GOLGB1: variants seen among roughly 807,000 people sequenced by gnomAD.
The protein encoded by GOLGB1 is golgin B1, also known as golgin subfamily B member 1.
Under a neutral mutation model 336.9 loss-of-function variants are expected in GOLGB1, and 174 were observed. The ratio of observed to expected loss-of-function variants is 0.52; its 90% CI spans 0.46 to 0.59. The LOEUF (loss-of-function observed/expected upper bound fraction) is 0.59. GOLGB1 is among the 20% of genes least tolerant of loss of function. The pLI, the probability that GOLGB1 is intolerant of heterozygous loss-of-function variation, is 0.00. For missense variants in GOLGB1, 3,331 were observed against 3,645.3 expected (o/e 0.91, Z 2.22); for synonymous variants, 1,208 against 1,289.2 (o/e 0.94, Z 1.35).
chr3:121,733,287 C>CAAA (rs35457720), intron 1 of GOLGB1, among the ~76,000 whole-genome samples: 72 of 64,496 alleles, frequency 1.1e-3, no homozygotes, highest in Non-Finnish European at 1.3e-3. Context: ...TGCTCCGTCT[C>CAAA]AAAAAAAAAA....
At chr3:121,737,691 C>T (rs1946576396) in intron 1 of GOLGB1, among the ~76,000 whole-genome samples, 1 of 150,788 alleles carries the variant, frequency 6.6e-6, no homozygotes, top group African/African-American at 2.4e-5. Flanking sequence ...AATATAAAAA[C>T]TATTGTACAA....
At chr3:121,674,897 G>A (rs1007046453) in intron 17 of GOLGB1, among the ~76,000 whole-genome samples, 3 of 145,950 alleles carry the variant, frequency 2.1e-5, no homozygotes, top group Non-Finnish European at 4.5e-5. Flanking sequence ...CTGCAGTGGC[G>A]CAATCTCGGC....
intron 1 of GOLGB1, chr3:121,748,679 C>T (rs1947543402): frequency 3.4e-6 from 1 of 293,128 alleles, no homozygotes; most frequent in Admixed American, 6.5e-5. Flanking sequence ...GCCTCTGGCC[C>T]TTATGTAAAG....
chr3:121,691,608 C>G lies in GOLGB1; in HGVS notation c.7756G>C (p.Glu2586Gln), dbSNP rs1418583109. 6.2e-7 allele frequency: 1 copy of G among 1,613,510 alleles called. No individual in the cohort carries two copies. The highest frequency in any genetic ancestry group is 1.3e-5 in the African/African-American group (1 of 74,886). Residue 2586 changes from glutamate to glutamine, a missense_variant, in exon 14 of 22, where the codon GAA (glutamate) becomes CAA (glutamine). Physicochemically the swap from Glu to Gln is conservative, Grantham distance 29. Coordinates refer to ENST00000614479, the MANE Select transcript of GOLGB1 (RefSeq NM_001366282.2). ...GACCTCCGCAGATCCTCATTTGCTT[C>G]CTCAGATTCCTTCAGCTTTTCTTCT... Reference protein sequence around the residue: ...KLEEKLKESEEANEDLRRSFN... With the variant: ...KLEEKLKESEQANEDLRRSFN...
chr3:121,684,043 G>A (rs1941419390), intron 14 of GOLGB1, among the ~76,000 whole-genome samples: 3 of 147,770 alleles, frequency 2.0e-5, no homozygotes, highest in South Asian at 2.1e-4. Context: ...CAGGAGAATC[G>A]CTTGAATTCA....
chr3:121,706,671 T>C (rs1943855483), intron 10 of GOLGB1, among the ~76,000 whole-genome samples: 1 of 126,410 alleles, frequency 7.9e-6, no homozygotes, highest in Admixed American at 9.8e-5. Flanking sequence ...GAAGTGGAGG[T>C]TACAGTGAGT....
rs1942947951 is a variant in GOLGB1 at position 121,696,375 on chromosome 3, T to G, written c.4148A>C (p.Gln1383Pro). 3.1e-6 allele frequency: 5 copies of G among 1,614,204 alleles called. No homozygotes were observed. The East Asian group carries it at 1.1e-4, about 36-fold the overall frequency. ...ATGTTCTAGGCCAGCAATTTGTAGT[T>G]GGCTGCTTTCCAATTTCTGCTGCAG... ...ESLQQKLESS[Q>P]LQIAGLEHLR... The change falls in exon 13 of 22, where the codon CAA (glutamine) becomes CCA (proline). Residue 1383 changes from glutamine to proline, a missense_variant. Transcript: ENST00000614479.
chr3:121,739,102 A>T (rs948647180), intron 1 of GOLGB1, among the ~76,000 whole-genome samples: 3 of 151,946 alleles, frequency 2.0e-5, no homozygotes, highest in African/African-American at 4.8e-5. Context: ...TCTCTACAAA[A>T]TTTTTTTAAA....
At chr3:121,724,579 G>A (rs1164624370) in intron 5 of GOLGB1, among the ~76,000 whole-genome samples, 3 of 149,588 alleles carry the variant, frequency 2.0e-5, no homozygotes, top group African/African-American at 7.3e-5. Context: ...AAAAAAAATT[G>A]GAAAATTTGC....
In GOLGB1 at chr3:121,681,844, G is replaced by GCAGATT; in HGVS notation, c.8710_8715dup (p.Asn2904_Leu2905dup). ...TGATTAATCTGTAAGTATTGCTGCT[G>GCAGATT]CAGATTCTTCAATTCCTTCAGCTTT... On this transcript the variant is annotated inframe_insertion, in exon 15 of 22. Transcript: ENST00000614479. The GCAGATT allele has an allele frequency of 1.9e-6, 3 of 1,602,806 alleles. No individual in the cohort carries two copies. Among genetic ancestry groups the GCAGATT allele is most frequent in the Non-Finnish European group, 2.6e-6 (3 of 1,171,838 alleles).
intron 20 of GOLGB1, among the ~76,000 whole-genome samples, chr3:121,665,334 T>C (rs972581532): frequency 6.6e-6 from 1 of 152,244 alleles, no homozygotes; most frequent in African/African-American, 2.4e-5. Flanking sequence ...ATCTTCAAAG[T>C]GCTAAGGCTT....
In GOLGB1 at chr3:121,697,291, G is replaced by A. The variant is rs1256922013; in HGVS notation, c.3232C>T (p.Leu1078=). Residue 1078 remains leucine, a synonymous_variant, in exon 13 of 22, where the codon CTA becomes TTA. Coordinates refer to ENST00000614479, the MANE Select transcript of GOLGB1 (RefSeq NM_001366282.2). ...TCCAAATCCTTCCTTATATGCTGTA[G>A]TTCCACTTCTTTCTCAGATATTGTC... The part of the protein sequence containing the change: ...KQTISEKEVE[L]QHIRKDLEEK... 1.9e-6 allele frequency: 3 copies of A among 1,613,618 alleles called. No homozygotes were observed. The African/African-American group carries it at 4.0e-5, about 22-fold the overall frequency.
At chr3:121,742,020 C>T (rs1946892892) in intron 1 of GOLGB1, among the ~76,000 whole-genome samples, 2 of 151,984 alleles carry the variant, frequency 1.3e-5, no homozygotes, top group South Asian at 4.1e-4. Context: ...ATAAGAATTA[C>T]AGCACACTGG....
At chr3:121,703,028 G>A (rs912436351) in intron 10 of GOLGB1, among the ~76,000 whole-genome samples, 1 of 152,176 alleles carries the variant, frequency 6.6e-6, no homozygotes, top group African/African-American at 2.4e-5. Context: ...TACCTCTTAA[G>A]AAAGGAAGAA....
intron 1 of GOLGB1, among the ~76,000 whole-genome samples, chr3:121,746,522 G>A (rs1410658478): frequency 2.0e-5 from 3 of 151,418 alleles, no homozygotes; most frequent in African/African-American, 7.3e-5. Context: ...CACTATTGTC[G>A]CCCAGGATGG....
At chr3:121,708,701 T>C (rs1944091942) in intron 10 of GOLGB1, among the ~76,000 whole-genome samples, 2 of 152,196 alleles carry the variant, frequency 1.3e-5, no homozygotes, top group African/African-American at 4.8e-5. Context: ...CACATTACTG[T>C]ATGTCAAGTA....
chr3:121,730,225 C>A, intron 2 of GOLGB1: 1 of 431,690 alleles, frequency 2.3e-6, no homozygotes, highest in Non-Finnish European at 4.1e-6. Context: ...AACATTATCC[C>A]ATTTAAGGTA....
At position 121,694,081 on chromosome 3, in the gene GOLGB1, C is replaced by G; in HGVS notation, c.6442G>C (p.Glu2148Gln). Residue 2148 changes from glutamate to glutamine, a missense_variant, in exon 13 of 22, where the codon GAG becomes CAG. Glu to Gln is a conservative substitution (Grantham distance 29). Coordinates refer to ENST00000614479, the MANE Select transcript of GOLGB1 (RefSeq NM_001366282.2). Reference protein sequence around the residue: ...KHLKEKKNMQEKLDALRREKV... With the variant: ...KHLKEKKNMQQKLDALRREKV... Reference sequence around the variant, plus strand: ...TCTCTGCGCAAAGCATCCAGTTTCTCTTGCATATTCTTCTTCTCTTTCAGG... The same window carrying G: ...TCTCTGCGCAAAGCATCCAGTTTCTGTTGCATATTCTTCTTCTCTTTCAGG... The G allele has an allele frequency of 6.2e-7, 1 of 1,614,066 alleles. No homozygotes were observed. The highest frequency in any genetic ancestry group is 1.1e-5 in the South Asian group (1 of 91,076).
chr3:121,697,703 T>A lies in GOLGB1; in HGVS notation c.2820A>T (p.Leu940=), dbSNP rs751511999. 6.2e-7 allele frequency: 1 copy of A among 1,613,788 alleles called. No homozygotes were observed. Among genetic ancestry groups the A allele is most frequent in the South Asian group, 1.1e-5 (1 of 91,060 alleles). ...CTTCCTCAGCTCTGGATAATAAATT[T>A]AGCTGTTCTTTAAGAGTCTTAATTT... ...GVEIKTLKEQ[L]NLLSRAEEAK... Residue 940 remains leucine (L), a synonymous_variant, in exon 13 of 22, where the codon CTA becomes CTT. Transcript: ENST00000614479.
Sources: allele counts gnomAD v4.1 joint callset (sites outside exome capture counted in the v4.1 genomes callset), GRCh38; gene constraint gnomAD v4.1.1; transcripts MANE v1.5; gene names NCBI Gene and HGNC (gene_info 2026-07-23, HGNC 2026-07-21).